The following CAST variants were observed in gnomAD, a reference collection of about 807,000 sequenced individuals.
CAST encodes the protein MIR583 host.
Under a neutral mutation model 119.6 loss-of-function variants are expected in CAST, and 76 were observed. That is an observed-to-expected ratio of 0.64 (90% CI 0.53 to 0.77). CAST has a LOEUF of 0.77. Ranked by LOEUF, CAST falls within the 30% of genes least tolerant of loss-of-function variation. The pLI is 0.00. For missense variants in CAST, 953 were observed against 946.5 expected (o/e 1.01, Z -0.09); for synonymous variants, 319 against 331.6 (o/e 0.96, Z 0.41).
intron 1 of CAST, among the ~76,000 whole-genome samples, chr5:96,565,137 G>A (rs1032001410): frequency 2.0e-5 from 3 of 149,856 alleles, no homozygotes; most frequent in African/African-American, 7.4e-5. Context: ...CTTTTTAAGT[G>A]TAATGGAAAA....
At chr5:96,004,607 T>G in the CAST span, among the ~76,000 whole-genome samples, 1 of 152,206 alleles carries the variant, frequency 6.6e-6, no homozygotes, top group Admixed American at 6.5e-5. Context: ...TTATTTGGCT[T>G]GAAATGCTAT....
At chr5:96,099,331 G>A in the CAST span, among the ~76,000 whole-genome samples, 2 of 152,104 alleles carry the variant, frequency 1.3e-5, no homozygotes, top group African/African-American at 2.4e-5. Context: ...TCTCTTGCCT[G>A]ACTCCTCTGG....
At chr5:96,257,203 G>A in the CAST span, among the ~76,000 whole-genome samples, 2 of 152,148 alleles carry the variant, frequency 1.3e-5, no homozygotes, top group African/African-American at 4.8e-5. Context: ...AAATTAATTT[G>A]TATCTTTATC....
chr5:96,606,363 T>A (rs1426381751), intron 1 of CAST, among the ~76,000 whole-genome samples: 1 of 152,192 alleles, frequency 6.6e-6, no homozygotes, highest in Admixed American at 6.5e-5. Flanking sequence ...AGTGTCAGAT[T>A]TTTATCTGTA....
the CAST span, among the ~76,000 whole-genome samples, chr5:96,107,353 G>A: frequency 8.5e-5 from 13 of 152,064 alleles, no homozygotes; most frequent in East Asian, 9.7e-4. Flanking sequence ...ATTTTGCAGC[G>A]GCTGGTGCCA....
chr5:96,225,937 T>G, the CAST span, among the ~76,000 whole-genome samples: 4 of 152,330 alleles, frequency 2.6e-5, no homozygotes, highest in East Asian at 7.7e-4. Context: ...TCTATGAAAT[T>G]CTACAGCTCA....
At chr5:96,395,629 AT>A in the CAST span, among the ~76,000 whole-genome samples, 2,562 of 152,156 alleles carry the variant, frequency 0.017, 80 homozygotes, top group African/African-American at 0.058. Context: ...ACATCACACA[AT>A]GGGCCTGTCA....
chr5:96,231,700 A>G, the CAST span, among the ~76,000 whole-genome samples: 1 of 152,142 alleles, frequency 6.6e-6, no homozygotes, highest in East Asian at 1.9e-4. Flanking sequence ...ATATAAAAAT[A>G]ATTGTGTTGG....
chr5:96,514,131 T>C, the CAST span, among the ~76,000 whole-genome samples: 1 of 152,212 alleles, frequency 6.6e-6, no homozygotes, highest in Non-Finnish European at 1.5e-5. Flanking sequence ...ACTGACCCTA[T>C]TTCTAAATAA....
chr5:96,486,258 C>A, the CAST span, among the ~76,000 whole-genome samples: 1 of 152,070 alleles, frequency 6.6e-6, no homozygotes. Flanking sequence ...CAACGTACAG[C>A]CCCAGAAGCA....
chr5:96,007,587 C>T, the CAST span, among the ~76,000 whole-genome samples: 16 of 152,114 alleles, frequency 1.1e-4, no homozygotes, highest in East Asian at 9.7e-4. Context: ...TCTCGTGACG[C>T]GATGAAATTA....
chr5:96,695,903 C>A lies in CAST; in HGVS notation c.206C>A (p.Thr69Asn). The A allele has an allele frequency of 6.2e-7, 1 of 1,610,890 alleles. No homozygotes were observed. Among genetic ancestry groups the A allele is most frequent in the Non-Finnish European group, 8.5e-7 (1 of 1,177,636 alleles). Residue 69 changes from threonine to asparagine, a missense_variant, in exon 3 of 32, where the codon ACC becomes AAC. Coordinates refer to ENST00000675179, the MANE Select transcript of CAST (RefSeq NM_001750.7). ...RTYAGGTASA[T>N]KVSASSGATS... ...TATGCTGGTGGAACAGCCTCGGCCA[C>A]CAAGGTCAGTGATTTCCTGAACACG...
chr5:96,065,757 T>C, the CAST span, among the ~76,000 whole-genome samples: 17 of 152,244 alleles, frequency 1.1e-4, no homozygotes, highest in African/African-American at 3.9e-4. Flanking sequence ...TGAATTCTCT[T>C]TGTGCTGAGA....
chr5:96,321,520 C>T, the CAST span, among the ~76,000 whole-genome samples: 1 of 152,290 alleles, frequency 6.6e-6, no homozygotes, highest in Non-Finnish European at 1.5e-5. Context: ...AATTTCTGAC[C>T]AGACTGGAAT....
chr5:96,349,057 C>G, the CAST span, among the ~76,000 whole-genome samples: 1 of 149,170 alleles, frequency 6.7e-6, no homozygotes, highest in Non-Finnish European at 1.5e-5. Context: ...AAACATAGAA[C>G]ATTACACAAA....
At chr5:96,340,923 T>C in the CAST span, among the ~76,000 whole-genome samples, 2 of 152,320 alleles carry the variant, frequency 1.3e-5, no homozygotes, top group South Asian at 4.1e-4. Context: ...GGACATGAAA[T>C]AGTCTGTAAT....
At chr5:96,105,683 G>T in the CAST span, among the ~76,000 whole-genome samples, 1 of 152,138 alleles carries the variant, frequency 6.6e-6, no homozygotes, top group South Asian at 2.1e-4. Flanking sequence ...CAAGGATATT[G>T]GTGTAAAATT....
chr5:96,655,883 C>T (rs1342978653), intron 1 of CAST, among the ~76,000 whole-genome samples: 2 of 152,212 alleles, frequency 1.3e-5, no homozygotes, highest in Non-Finnish European at 2.9e-5. Context: ...CAAAAAAAAT[C>T]TGGCTGAACA....
the CAST span, among the ~76,000 whole-genome samples, chr5:96,129,529 A>G: frequency 6.6e-6 from 1 of 152,162 alleles, no homozygotes; most frequent in African/African-American, 2.4e-5. Context: ...ACTTCTCATC[A>G]GGAACTGTCA....
Sources: gnomAD v4.1 joint callset for allele counts (sites outside exome capture counted in the v4.1 genomes callset) on GRCh38, gnomAD v4.1.1 for gene constraint, MANE v1.5 for transcripts, NCBI Gene and HGNC (gene_info 2026-07-23, HGNC 2026-07-21) for gene names.